The following STAC variants were observed in gnomAD, a reference collection of about 807,000 sequenced individuals.
STAC encodes SH3 and cysteine rich domain.
In STAC, 43 loss-of-function variants were observed where a neutral mutation model predicts 48.8. The ratio of observed to expected loss-of-function variants is 0.88; its 90% CI spans 0.69 to 1.14. STAC has a LOEUF of 1.14. STAC is among the 50% of genes most tolerant of loss of function. The pLI is 0.00. For missense variants in STAC, 497 were observed against 504.0 expected (o/e 0.99, Z 0.13); for synonymous variants, 193 against 179.5 (o/e 1.07, Z -0.60).
intron 1 of STAC, among the ~76,000 whole-genome samples, chr3:36,404,203 T>C (rs1029728997): frequency 4.6e-5 from 7 of 152,340 alleles, no homozygotes; most frequent in South Asian, 2.1e-4. Context: ...AGACTCAATA[T>C]TGTAAAGATG....
At chr3:36,453,127 C>T (rs1024556804) in intron 2 of STAC, among the ~76,000 whole-genome samples, 7 of 152,276 alleles carry the variant, frequency 4.6e-5, no homozygotes, top group African/African-American at 1.7e-4. Context: ...CGTACTACCA[C>T]ATATTTCTCT....
chr3:36,535,796 C>T (rs909908944), intron 10 of STAC, among the ~76,000 whole-genome samples: 6 of 152,158 alleles, frequency 3.9e-5, no homozygotes, highest in African/African-American at 1.4e-4. Context: ...GTTGAACCAG[C>T]CTTGCATCCC....
intron 1 of STAC, among the ~76,000 whole-genome samples, chr3:36,433,147 CT>C (rs1700745722): frequency 6.6e-6 from 1 of 152,156 alleles, no homozygotes; most frequent in African/African-American, 2.4e-5. Flanking sequence ...CCAGGCTAGA[CT>C]CCACAGAGAA....
intron 6 of STAC, among the ~76,000 whole-genome samples, chr3:36,493,529 G>A (rs1382519320): frequency 1.3e-5 from 2 of 151,596 alleles, no homozygotes; most frequent in Non-Finnish European, 2.9e-5. Flanking sequence ...TTTAAGAGTC[G>A]CTTCCAGAAC....
chr3:36,495,025 C>T (rs1698102216), intron 6 of STAC, among the ~76,000 whole-genome samples: 1 of 152,182 alleles, frequency 6.6e-6, no homozygotes, highest in African/African-American at 2.4e-5. Flanking sequence ...AACATCACTG[C>T]TGGCCTTCTC....
At chr3:36,391,084 C>T (rs1699743476) in intron 1 of STAC, among the ~76,000 whole-genome samples, 1 of 152,144 alleles carries the variant, frequency 6.6e-6, no homozygotes, top group Admixed American at 6.5e-5. Flanking sequence ...TGTTCATACC[C>T]TCTTTTATAC....
At chr3:36,518,472 C>T (rs1320461643) in intron 8 of STAC, among the ~76,000 whole-genome samples, 1 of 152,112 alleles carries the variant, frequency 6.6e-6, no homozygotes, top group Non-Finnish European at 1.5e-5. Flanking sequence ...GAGGGAACTG[C>T]TCTTTCAGTA....
intron 6 of STAC, among the ~76,000 whole-genome samples, chr3:36,503,951 A>G (rs1181803385): frequency 6.6e-6 from 1 of 152,220 alleles, no homozygotes; most frequent in Non-Finnish European, 1.5e-5. Context: ...AGAAACTACA[A>G]TCAAGATACC....
intron 2 of STAC, among the ~76,000 whole-genome samples, chr3:36,454,346 T>A (rs148457938): frequency 3.3e-5 from 5 of 151,790 alleles, no homozygotes; most frequent in Non-Finnish European, 7.4e-5. Flanking sequence ...TTAAGAGCTG[T>A]AACACTCACC....
At chr3:36,448,907 C>G (rs562404167) in intron 2 of STAC, among the ~76,000 whole-genome samples, 8,016 of 146,286 alleles carry the variant, frequency 0.055, 302 homozygotes, top group Non-Finnish European at 0.077. Context: ...GTGAACCCCC[C>G]CCCCCACTCC....
intron 2 of STAC, among the ~76,000 whole-genome samples, chr3:36,463,959 A>T (rs1207009368): frequency 6.6e-6 from 1 of 152,072 alleles, no homozygotes; most frequent in Non-Finnish European, 1.5e-5. Flanking sequence ...TGCTATTGTG[A>T]ATAGTGCCAC....
chr3:36,474,862 G>A (rs1015012249), intron 2 of STAC, among the ~76,000 whole-genome samples: 39 of 152,140 alleles, frequency 2.6e-4, no homozygotes, highest in African/African-American at 8.9e-4. Flanking sequence ...TTGCCTAATG[G>A]TGCATAAGAG....
At chr3:36,429,624 G>T (rs1050367048) in intron 1 of STAC, among the ~76,000 whole-genome samples, 1 of 152,114 alleles carries the variant, frequency 6.6e-6, no homozygotes, top group African/African-American at 2.4e-5. Context: ...ACACTCTTCG[G>T]TATTGCCTGG....
Position 36,547,323 on chromosome 3 carries a change from AT to A in STAC, c.*1036del, listed in dbSNP as rs1461267172. On this transcript the variant is annotated 3_prime_UTR_variant, in exon 11 of 11. Coordinates refer to ENST00000273183, the MANE Select transcript of STAC (RefSeq NM_003149.3). ...AAGAAATGTAGCCAAATTGGAGTCC[AT>A]TCTTCTTTAGGGCAGTATATGAAAT... 1.3e-5 allele frequency: 2 copies of A among 152,628 alleles called. No homozygotes were observed. Among genetic ancestry groups the A allele is most frequent in the African/African-American group, 4.8e-5 (2 of 41,468 alleles). 9.5% of individuals were successfully genotyped at this position (152,628 alleles called of 1,614,324 possible). A position where few individuals can be genotyped will look rare whatever the true frequency, so the allele number is the denominator to read the frequency against.
Position 36,423,860 on chromosome 3 carries a change from G to C in STAC, c.112-19504G>C, listed in dbSNP as rs372355106. On this transcript the variant is annotated intron_variant, in intron 1 of 10. Transcript: ENST00000273183. Reference sequence around the variant, plus strand: ...TTTTCCTGTCTTAGGCTTTGAACTTGAAGCTCCCTTCCTCCTCATCTTTCT... The same window carrying C: ...TTTTCCTGTCTTAGGCTTTGAACTTCAAGCTCCCTTCCTCCTCATCTTTCT... 7.9e-5 allele frequency among the ~76,000 whole-genome samples: 12 copies of C among 152,206 alleles called. No homozygotes were observed. The East Asian group carries it at 1.9e-3, about 24-fold the overall frequency.
At chr3:36,489,988 G>C (rs1697923174) in intron 5 of STAC, among the ~76,000 whole-genome samples, 1 of 152,170 alleles carries the variant, frequency 6.6e-6, no homozygotes, top group Non-Finnish European at 1.5e-5. Flanking sequence ...AATCTGATTT[G>C]GGGAGCCGAA....
At chr3:36,445,239 A>T (rs1289224325) in intron 2 of STAC, among the ~76,000 whole-genome samples, 1 of 152,230 alleles carries the variant, frequency 6.6e-6, no homozygotes, top group Non-Finnish European at 1.5e-5. Flanking sequence ...GAAAGACTCT[A>T]TTTTGAATAT....
At chr3:36,416,335 T>C (rs1410128677) in intron 1 of STAC, among the ~76,000 whole-genome samples, 3 of 152,250 alleles carry the variant, frequency 2.0e-5, no homozygotes, top group Non-Finnish European at 4.4e-5. Context: ...TAGCCAACCA[T>C]GGTGGCACAT....
chr3:36,498,922 T>C (rs1559514720), intron 6 of STAC, among the ~76,000 whole-genome samples: 1 of 152,112 alleles, frequency 6.6e-6, no homozygotes, highest in African/African-American at 2.4e-5. Flanking sequence ...AAACATAAAA[T>C]GCAGTATAAA....
Sources: allele counts gnomAD v4.1 joint callset (sites outside exome capture counted in the v4.1 genomes callset), GRCh38; gene constraint gnomAD v4.1.1; transcripts MANE v1.5; gene names NCBI Gene and HGNC (gene_info 2026-07-23, HGNC 2026-07-21).